The following LGALS12 variants were observed in gnomAD, a reference collection of about 807,000 sequenced individuals.
LGALS12 encodes galectin-12.
A neutral mutation model predicts 36.8 loss-of-function variants in LGALS12; 36 were observed. That is an observed-to-expected ratio of 0.98 (90% CI 0.75 to 1.29). The LOEUF is 1.29. Ranked by LOEUF, LGALS12 falls within the 50% of genes most tolerant of loss-of-function variation. The pLI is 0.00. For synonymous variants in LGALS12, 145 were observed against 155.9 expected (o/e 0.93, Z 0.52); for missense variants, 366 against 394.3 (o/e 0.93, Z 0.61).
At chr11:63,510,576 C>T in intron 5 of LGALS12, 75 bp downstream of exon 5, 15 of 1,408,050 alleles carry the variant, frequency 1.1e-5, no homozygotes, top group Non-Finnish European at 1.2e-5. Flanking sequence ...TCCCATTACA[C>T]AAGGCCCAGC....
Position 63,509,848 on chromosome 11 carries a change from G to A in LGALS12, c.443G>A (p.Gly148Asp), listed in dbSNP as rs775183904. The change falls in exon 4 of 9, where the codon GGT (glycine) becomes GAT (aspartate). Residue 148 changes from glycine (G) to aspartate (D), a missense_variant. By Grantham distance (94) the Gly-to-Asp change is moderately conservative. Transcript: ENST00000394618. ...RLPLSHVDTL[G>D]IFGDILVEAV... ...CCACTGTCTCATGTGGACACGCTGG[G>A]TATATTTGGTGACATCCTGGTAGAG... The A allele has an allele frequency of 1.9e-6, 3 of 1,614,136 alleles. No homozygotes were observed. The highest frequency in any genetic ancestry group is 1.1e-5 in the South Asian group (1 of 91,078).
chr11:63,506,880 G>A (rs751317461), intron 1 of LGALS12, among the ~76,000 whole-genome samples: 33 of 152,192 alleles, frequency 2.2e-4, no homozygotes, highest in Non-Finnish European at 4.3e-4. Flanking sequence ...CCCCAGCCTG[G>A]AAGGAAGGGT....
chr11:63,506,726 A>G (rs1565223883), intron 1 of LGALS12, among the ~76,000 whole-genome samples, 199 bp downstream of exon 1: 1 of 152,184 alleles, frequency 6.6e-6, no homozygotes, highest in South Asian at 2.1e-4. Flanking sequence ...AATGACTGCT[A>G]GGCTTCCAGG....
intron 5 of LGALS12, 77 bp from the exon 6 acceptor site, chr11:63,511,002 T>G: frequency 6.9e-7 from 1 of 1,455,140 alleles, no homozygotes. Flanking sequence ...ATTCCCAATT[T>G]GTTAGAATAA....
chr11:63,513,452 G>A (rs986224088), intron 7 of LGALS12, among the ~76,000 whole-genome samples: 1 of 152,202 alleles, frequency 6.6e-6, no homozygotes, highest in African/African-American at 2.4e-5. Flanking sequence ...ACCCAGTCAT[G>A]CCAGATCTTC....
chr11:63,506,604 G>A (rs112160757), intron 1 of LGALS12, 77 bp downstream of exon 1: 1 of 1,586,834 alleles, frequency 6.3e-7, no homozygotes, highest in South Asian at 1.1e-5. Flanking sequence ...CTCCTGGGTG[G>A]TGGGGTGGAA....
At chr11:63,510,773 A>G (rs2016895200) in intron 5 of LGALS12, among the ~76,000 whole-genome samples, 1 of 152,110 alleles carries the variant, frequency 6.6e-6, no homozygotes, top group African/African-American at 2.4e-5. Context: ...TGAAATGCTC[A>G]TTTCTCAAAC....
chr11:63,511,649 G>A, intron 6 of LGALS12, 103 bp from the exon 7 acceptor site: 2 of 773,202 alleles, frequency 2.6e-6, no homozygotes, highest in Non-Finnish European at 2.2e-6. Flanking sequence ...GGCAGGCCTG[G>A]GCAGAACATG....
chr11:63,516,305 G>C lies in LGALS12; in HGVS notation c.857G>C (p.Gly286Ala). 1.2e-6 allele frequency: 2 copies of C among 1,612,030 alleles called. No homozygotes were observed. Among genetic ancestry groups the C allele is most frequent in the Non-Finnish European group, 8.5e-7 (1 of 1,179,092 alleles). ...LKLALNGQGL[G>A]ATSMNQQALE... is the part of the protein sequence containing the mutation. ...CTGGCGCTCAATGGGCAGGGGCTGGGGGCCACCAGCATGAACCAGCAGGCC... is the reference window on the plus strand; with the variant it reads ...CTGGCGCTCAATGGGCAGGGGCTGGCGGCCACCAGCATGAACCAGCAGGCC... Residue 286 changes from glycine (G) to alanine (A), a missense_variant, in exon 9 of 9, where the codon GGG becomes GCG. Coordinates refer to ENST00000394618, the MANE Select transcript of LGALS12 (RefSeq NM_033101.4).
intron 1 of LGALS12, among the ~76,000 whole-genome samples, chr11:63,507,725 C>CTTTTTTTT (rs199594642): frequency 2.9e-5 from 2 of 69,924 alleles, no homozygotes; most frequent in African/African-American, 5.4e-5. Context: ...CAGGCAACTT[C>CTTTTTTTT]TTTTTTTTTT....
Position 63,511,073 on chromosome 11 carries a change from T to C in LGALS12, c.532-6T>C. ...GCCTTGTGTCCTCTCTTTCTTTCCC[T>C]GACAGCCTTTCCTGCTGATGAGCCC... On this transcript the variant is annotated splice_region_variant and splice_polypyrimidine_tract_variant and intron_variant, in intron 5 of 8. Coordinates refer to ENST00000394618, the MANE Select transcript of LGALS12 (RefSeq NM_033101.4). 1 of 1,613,680 alleles carries C rather than the reference T, an allele frequency of 6.2e-7. No homozygotes were observed. Among genetic ancestry groups the C allele is most frequent in the Non-Finnish European group, 8.5e-7 (1 of 1,179,808 alleles).
intron 7 of LGALS12, 34 bp from the exon 8 acceptor site, chr11:63,515,529 G>T: frequency 1.2e-6 from 2 of 1,610,662 alleles, no homozygotes; most frequent in Non-Finnish European, 1.7e-6. Flanking sequence ...GGCAATGGGC[G>T]CTGATTCCTT....
At chr11:63,510,991 T>G in intron 5 of LGALS12, 88 bp from the exon 6 acceptor site, 1 of 1,383,082 alleles carries the variant, frequency 7.2e-7, no homozygotes. Flanking sequence ...AAGCCCCAAA[T>G]ATTCCCAATT....
intron 5 of LGALS12, 133 bp downstream of exon 5, chr11:63,510,634 C>T (rs896154162): frequency 9.8e-6 from 8 of 815,704 alleles, no homozygotes; most frequent in Non-Finnish European, 1.2e-5. Context: ...GCTGGCTCTG[C>T]TTCAGTCTCT....
intron 1 of LGALS12, chr11:63,508,252 G>A: frequency 1.6e-6 from 2 of 1,245,794 alleles, no homozygotes; most frequent in Non-Finnish European, 2.0e-6. Flanking sequence ...AGCCTCCCTG[G>A]GGTCACTGCA....
chr11:63,508,061 A>G, intron 1 of LGALS12: 1 of 1,000,772 alleles, frequency 1.0e-6, no homozygotes, highest in Non-Finnish European at 1.2e-6. Flanking sequence ...ACATGGGGAA[A>G]GGTGAGCCTG....
intron 5 of LGALS12, 49 bp downstream of exon 5, chr11:63,510,550 C>T: frequency 1.3e-6 from 2 of 1,576,128 alleles, no homozygotes; most frequent in Non-Finnish European, 1.7e-6. Flanking sequence ...GCTGACCCGC[C>T]CTTCTGGACT....
At chr11:63,512,274 T>G (rs1342678784) in intron 7 of LGALS12, among the ~76,000 whole-genome samples, 1 of 152,200 alleles carries the variant, frequency 6.6e-6, no homozygotes, top group African/African-American at 2.4e-5. Context: ...AGTGACTAAG[T>G]GGACATTACC....
chr11:63,515,817 T>C (rs1336071563), intron 8 of LGALS12, 104 bp downstream of exon 8: 5 of 1,289,440 alleles, frequency 3.9e-6, no homozygotes, highest in South Asian at 2.8e-5. Context: ...ACAGATGTTA[T>C]GGGGTGGGAG....
Sources: gnomAD v4.1 joint callset for allele counts (sites outside exome capture counted in the v4.1 genomes callset) on GRCh38, gnomAD v4.1.1 for gene constraint, MANE v1.5 for transcripts, NCBI Gene and HGNC (gene_info 2026-07-23, HGNC 2026-07-21) for gene names.